Variants in PPFIA1 observed in about 807,000 individuals in gnomAD.
The protein encoded by PPFIA1 is PPFI scaffold protein A1.
Under a neutral mutation model 149.9 loss-of-function variants are expected in PPFIA1, and 25 were observed. The ratio of observed to expected loss-of-function variants is 0.17; its 90% confidence interval spans 0.12 to 0.23. The LOEUF is 0.23. Ranked by LOEUF, PPFIA1 falls within the 10% of genes least tolerant of loss-of-function variation. The probability of loss-of-function intolerance (pLI) is 1.00; values close to 1 mark genes in which losing one functional copy is unlikely to be tolerated. For synonymous variants in PPFIA1, 549 were observed against 552.8 expected, an observed-to-expected ratio of 0.99 and a Z score of 0.10; for missense variants, 1,362 against 1,506.5, an observed-to-expected ratio of 0.90 and a Z score of 1.59.
intron 15 of PPFIA1, among the ~76,000 whole-genome samples, chr11:70,346,197 G>A (rs546307436): frequency 2.6e-5 from 4 of 152,302 alleles, no homozygotes; most frequent in Non-Finnish European, 5.9e-5. Context: ...GTGTGACCAG[G>A]GGGTGCCTGG....
At position 70,326,198 on chromosome 11, in the gene PPFIA1, G is replaced by C. The variant is rs1022135418; in HGVS notation, c.607-64G>C. ...GTTGTGTTTTTCCAAAAGGAGTTTT[G>C]CTATCTTTACTTATTTCTCTTATGT... On this transcript the variant is annotated intron_variant, in intron 5 of 27. Coordinates refer to ENST00000253925, the MANE Select transcript of PPFIA1 (RefSeq NM_003626.5). 1.4e-5 allele frequency: 13 copies of C among 949,834 alleles called. No homozygotes were observed. In the African/African-American group the frequency reaches 2.2e-4, roughly 16 times the overall value. The allele number at this position is 949,834 out of a possible 1,614,324, so 58.8% of individuals were successfully genotyped here.
intron 2 of PPFIA1, chr11:70,284,051 A>G (rs370751742): frequency 3.8e-6 from 2 of 522,594 alleles, no homozygotes; most frequent in Non-Finnish European, 7.9e-6. Flanking sequence ...GCTTCAACCT[A>G]ATATGATGCA....
chr11:70,354,442 G>C lies in PPFIA1; in HGVS notation c.2305G>C (p.Asp769His), dbSNP rs752639532. 1 of 1,613,352 alleles carries C rather than the reference G, an allele frequency of 6.2e-7. No homozygotes were observed. Among genetic ancestry groups the C allele is most frequent in the Admixed American group, 1.7e-5 (1 of 59,860 alleles). Residue 769 changes from aspartate to histidine, a missense_variant, in exon 17 of 28, where the codon GAC becomes CAC. Physicochemically the swap from Asp to His is moderately conservative, Grantham distance 81. Coordinates refer to ENST00000253925, the MANE Select transcript of PPFIA1 (RefSeq NM_003626.5). ...LHTVSHEDIR[D>H]IRNSTGSQDG... is the part of the protein sequence containing the mutation. The stretch of plus-strand genomic sequence containing the variant: ...CACCGTCAGCCACGAGGACATCAGG[G>C]ACATAAGGAAGTAAGGAGCCTGCAG...
chr11:70,365,543 G>A (rs1249742542), intron 21 of PPFIA1: 10 of 416,480 alleles, frequency 2.4e-5, no homozygotes, highest in Middle Eastern at 3.5e-4. Flanking sequence ...CCATTCAGTC[G>A]TTCCAGATAA....
intron 2 of PPFIA1, among the ~76,000 whole-genome samples, chr11:70,285,266 T>C (rs950175101): frequency 2.6e-5 from 4 of 151,998 alleles, no homozygotes; most frequent in Admixed American, 6.6e-5. Context: ...TCCCAAGTTT[T>C]TAAAAGATCA....
intron 15 of PPFIA1, among the ~76,000 whole-genome samples, chr11:70,347,926 C>A (rs1008631344): frequency 6.6e-6 from 1 of 152,144 alleles, no homozygotes; most frequent in Non-Finnish European, 1.5e-5. Context: ...TTATTTGAAC[C>A]CAGGAGGCAG....
chr11:70,282,958 G>T (rs532376476), intron 2 of PPFIA1, among the ~76,000 whole-genome samples: 2 of 150,306 alleles, frequency 1.3e-5, no homozygotes, highest in African/African-American at 4.9e-5. Context: ...TCTTGCCTCA[G>T]CCTCCTGAGT....
At chr11:70,365,936 C>A (rs1311987953) in intron 21 of PPFIA1, 5 of 456,454 alleles carry the variant, frequency 1.1e-5, no homozygotes, top group Non-Finnish European at 1.8e-5. Context: ...ACCACGTAAC[C>A]CCAGGAAGAT....
At chr11:70,343,623 T>G (rs753720404) in intron 14 of PPFIA1, 46 bp from the exon 15 acceptor site, 2 of 1,508,616 alleles carry the variant, frequency 1.3e-6, no homozygotes, top group Admixed American at 1.7e-5. Context: ...TTTCTACAAC[T>G]AATGTTGTTA....
At position 70,383,104 on chromosome 11, in the gene PPFIA1, T is replaced by C. The variant is rs568270948; in HGVS notation, c.*114T>C. 23 of 400,910 alleles carry C rather than the reference T, an allele frequency of 5.7e-5. No homozygotes were observed. The highest frequency in any genetic ancestry group is 3.4e-4 in the Middle Eastern group (1 of 2,946). 24.8% of individuals were successfully genotyped at this position (400,910 alleles called of 1,614,324 possible). A position where few individuals can be genotyped will look rare whatever the true frequency, so the allele number is the denominator to read the frequency against. On this transcript the variant is annotated 3_prime_UTR_variant, in exon 28 of 28. Transcript: ENST00000253925. ...TCTTTAATCTTGTTAATACTTGTTA[T>C]ATGGACCCTAAGATATTTTATTACA...
chr11:70,296,824 A>T (rs181527977), intron 2 of PPFIA1, among the ~76,000 whole-genome samples: 1 of 151,636 alleles, frequency 6.6e-6, no homozygotes, highest in East Asian at 1.9e-4. Flanking sequence ...GCTTATGGAG[A>T]GGATTGCTTG....
intron 2 of PPFIA1, among the ~76,000 whole-genome samples, chr11:70,291,322 G>A (rs1415887907): frequency 1.3e-5 from 2 of 152,362 alleles, no homozygotes; most frequent in Non-Finnish European, 2.9e-5. Flanking sequence ...GTGGCAGGAT[G>A]AGATGATTTC....
intron 25 of PPFIA1, among the ~76,000 whole-genome samples, chr11:70,377,562 G>A (rs1225909194): frequency 6.6e-6 from 1 of 152,146 alleles, no homozygotes; most frequent in Non-Finnish European, 1.5e-5. Context: ...TACTTAGGAG[G>A]CTGCGGTGGG....
rs1164818481 is a variant in PPFIA1 at position 70,333,538 on chromosome 11, T to C, written c.1281T>C (p.Asn427=). ...RQMEAQLEEK[N]QELQRARQRE... ...TGGAAGCACAGTTGGAGGAGAAGAATCAAGAACTGCAGCGGGTGAGCATGC... is the reference window on the plus strand; with the variant it reads ...TGGAAGCACAGTTGGAGGAGAAGAACCAAGAACTGCAGCGGGTGAGCATGC... The change falls in exon 10 of 28, where the codon AAT becomes AAC. Residue 427 remains asparagine (N), a synonymous_variant. Coordinates refer to ENST00000253925, the MANE Select transcript of PPFIA1 (RefSeq NM_003626.5). 2 of 1,612,068 alleles carry C rather than the reference T, an allele frequency of 1.2e-6. No individual in the cohort carries two copies.
intron 1 of PPFIA1, chr11:70,271,157 G>T (rs1166511900): frequency 6.6e-6 from 1 of 152,074 alleles, no homozygotes; most frequent in Non-Finnish European, 1.5e-5. Flanking sequence ...CGTGACCCGG[G>T]CGCTGGGGCG....
At chr11:70,376,932 G>T (rs992865031) in intron 25 of PPFIA1, among the ~76,000 whole-genome samples, 2 of 152,082 alleles carry the variant, frequency 1.3e-5, no homozygotes, top group African/African-American at 2.4e-5. Context: ...AATTAGCCGG[G>T]CGTTGTGGTA....
chr11:70,353,861 CT>C (rs1166832694), intron 16 of PPFIA1, among the ~76,000 whole-genome samples: 1 of 152,162 alleles, frequency 6.6e-6, no homozygotes, highest in Non-Finnish European at 1.5e-5. Flanking sequence ...TCTAGTGTTT[CT>C]TTTGAAGGAC....
chr11:70,314,483 A>G (rs541082290), intron 2 of PPFIA1, among the ~76,000 whole-genome samples: 1 of 152,352 alleles, frequency 6.6e-6, no homozygotes, highest in South Asian at 2.1e-4. Flanking sequence ...TGTTTTTAAT[A>G]CTAAGCAATA....
chr11:70,361,799 T>TA lies in PPFIA1; in HGVS notation c.2583-294dup, dbSNP rs386374107. On this transcript the variant is annotated intron_variant, in intron 19 of 27. Transcript: ENST00000253925. ...CCTGGCTGATTTTTTTTTTTTTTTT[T>TA]AATTTTTGTAGAGATGCATCTCATT... Among the ~76,000 whole-genome samples, 18 of 150,738 alleles carry TA rather than the reference T, an allele frequency of 1.2e-4. 1 individual carries two copies. The South Asian group carries it at 3.1e-3, about 26-fold the overall frequency.
Sources: gnomAD v4.1 joint callset for allele counts (sites outside exome capture counted in the v4.1 genomes callset) on GRCh38, gnomAD v4.1.1 for gene constraint, MANE v1.5 for transcripts, NCBI Gene and HGNC (gene_info 2026-07-23, HGNC 2026-07-21) for gene names.